HTRA1: variants seen among roughly 807,000 people sequenced by gnomAD.
HTRA1 encodes the protein serine protease HTRA1.
HTRA1 carries 26 observed loss-of-function variants against 49.7 expected under a neutral mutation model. The ratio of observed to expected loss-of-function variants is 0.52; its 90% CI spans 0.38 to 0.73. HTRA1 has a LOEUF of 0.73. HTRA1 is among the 30% of genes least tolerant of loss of function. The pLI is 0.00. For synonymous variants in HTRA1, 291 were observed against 286.9 expected, an observed-to-expected ratio of 1.01 and a Z score of -0.14; for missense variants, 561 against 667.2, an observed-to-expected ratio of 0.84 and a Z score of 1.75.
intron 1 of HTRA1, among the ~76,000 whole-genome samples, chr10:122,470,519 A>G (rs1188093699): frequency 2.0e-5 from 3 of 152,128 alleles, no homozygotes; most frequent in Non-Finnish European, 1.5e-5. Flanking sequence ...GTCCAATGAT[A>G]TAAGGAATAT....
intron 3 of HTRA1, among the ~76,000 whole-genome samples, chr10:122,493,060 C>A (rs1291919692): frequency 2.6e-5 from 4 of 152,206 alleles, no homozygotes; most frequent in Non-Finnish European, 5.9e-5. Context: ...GGCTTGTGAC[C>A]AAATGACTCC....
intron 1 of HTRA1, among the ~76,000 whole-genome samples, chr10:122,468,479 G>A (rs1321450753): frequency 6.6e-6 from 1 of 151,800 alleles, no homozygotes; most frequent in African/African-American, 2.4e-5. Context: ...CTGTGTGGGA[G>A]GAGTGCTGGG....
rs1398730011 is a variant in HTRA1 at position 122,494,647 on chromosome 10, A to AC, written c.777+5028dup. 1.3e-5 allele frequency among the ~76,000 whole-genome samples: 2 copies of AC among 150,744 alleles called. No homozygotes were observed. Among genetic ancestry groups the AC allele is most frequent in the South Asian group, 2.1e-4 (1 of 4,710 alleles). The stretch of plus-strand genomic sequence containing the variant: ...CCTCCCTCCCCTGTAGGCCTGCGCC[A>AC]CCCCCCCAACCCCACGGCCACCTTT... On this transcript the variant is annotated intron_variant, in intron 3 of 8. Coordinates refer to ENST00000368984, the MANE Select transcript of HTRA1 (RefSeq NM_002775.5). This position sits in a 1 kb window ranked among gnomAD's most constrained non-coding sequence, Gnocchi z 4.0.
intron 1 of HTRA1, among the ~76,000 whole-genome samples, chr10:122,486,017 C>G (rs1192821306): frequency 6.6e-6 from 1 of 152,164 alleles, no homozygotes; most frequent in Non-Finnish European, 1.5e-5. Flanking sequence ...TTTACACCTC[C>G]CATTGGAGTG....
chr10:122,495,173 C>A (rs146747257), intron 3 of HTRA1, among the ~76,000 whole-genome samples: 1 of 152,184 alleles, frequency 6.6e-6, no homozygotes, highest in Non-Finnish European at 1.5e-5. Flanking sequence ...ATGAAGGAAG[C>A]GCCTGGGAGC....
chr10:122,491,275 A>T (rs960671598), intron 3 of HTRA1, among the ~76,000 whole-genome samples: 1 of 152,126 alleles, frequency 6.6e-6, no homozygotes, highest in Non-Finnish European at 1.5e-5. Flanking sequence ...GCCCATGGCT[A>T]CTGCTGGAGG....
intron 2 of HTRA1, 93 bp downstream of exon 2, chr10:122,489,094 A>G (rs2097494512): frequency 5.6e-6 from 5 of 891,894 alleles, no homozygotes; most frequent in African/African-American, 4.9e-5. Context: ...TTAAAGTGTC[A>G]AAGTGTCACT....
At chr10:122,482,043 G>C (rs191526480) in intron 1 of HTRA1, among the ~76,000 whole-genome samples, 212 of 152,048 alleles carry the variant, frequency 1.4e-3, no homozygotes, top group African/African-American at 4.8e-3. Context: ...ATTTTTTCAT[G>C]GTCCCCAGTA....
rs375804080 is a variant in HTRA1, at chr10:122,480,310, C to T, written c.473-8592C>T. Among the ~76,000 whole-genome samples the T allele has an allele frequency of 9.9e-5, 15 of 151,508 alleles. No homozygotes were observed. The East Asian group carries it at 1.4e-3, about 14-fold the overall frequency. ...GTTCCTACCCATCCCAGATGCTCTG[C>T]GTTTGTGAACCCCAGTTGCCACATC... On this transcript the variant is annotated intron_variant, in intron 1 of 8. Transcript: ENST00000368984.
chr10:122,488,808 T>C, intron 1 of HTRA1, 94 bp from the exon 2 acceptor site: 1 of 973,076 alleles, frequency 1.0e-6, no homozygotes, highest in Non-Finnish European at 1.7e-6. Context: ...TTCCAAAGGC[T>C]GGGCATGCAT....
chr10:122,514,002 G>A (rs1246218986), intron 8 of HTRA1, among the ~76,000 whole-genome samples, 189 bp from the exon 9 acceptor site: 2 of 151,418 alleles, frequency 1.3e-5, no homozygotes, highest in Admixed American at 6.6e-5. Context: ...GCCTCCCAAA[G>A]TGCTGGGATT....
intron 1 of HTRA1, among the ~76,000 whole-genome samples, chr10:122,481,563 G>A (rs2097491000): frequency 6.6e-6 from 1 of 152,208 alleles, no homozygotes; most frequent in Non-Finnish European, 1.5e-5. Flanking sequence ...ATCCACCTCT[G>A]CTCCTTGTGC....
At chr10:122,474,172 A>G (rs986958149) in intron 1 of HTRA1, among the ~76,000 whole-genome samples, 2 of 152,186 alleles carry the variant, frequency 1.3e-5, no homozygotes, top group African/African-American at 4.8e-5. Context: ...GATTTATTAG[A>G]TCATAGAACT....
At chr10:122,509,845 G>T (rs1374941485) in intron 6 of HTRA1, among the ~76,000 whole-genome samples, 2 of 152,148 alleles carry the variant, frequency 1.3e-5, no homozygotes, top group Non-Finnish European at 2.9e-5. Context: ...GCTTGGGGAA[G>T]GGCCAGCTGT....
intron 1 of HTRA1, among the ~76,000 whole-genome samples, chr10:122,472,529 G>T (rs1031469528): frequency 6.6e-6 from 1 of 151,942 alleles, no homozygotes; most frequent in African/African-American, 2.4e-5. Context: ...CTCAGTAGCT[G>T]GGATTACAGG....
intron 1 of HTRA1, among the ~76,000 whole-genome samples, chr10:122,476,230 G>T (rs530923056): frequency 1.3e-5 from 2 of 152,282 alleles, no homozygotes; most frequent in South Asian, 4.1e-4. Context: ...TGCAGCCTAC[G>T]TGCTGTCTTT....
Position 122,461,554 on chromosome 10 carries a change from C to T in HTRA1, c.-99C>T. ...GGGCTGGGCCGCGCGGCCGCGCGCA[C>T]TCGCACCCGCTGCCCCCGAGGCCCT... On this transcript the variant is annotated 5_prime_UTR_variant, in exon 1 of 9. Transcript: ENST00000368984. 1.5e-6 allele frequency: 1 copy of T among 662,594 alleles called. No individual in the cohort carries two copies. The highest frequency in any genetic ancestry group is 2.1e-5 in the South Asian group (1 of 47,504). The allele number at this position is 662,594 out of a possible 1,614,324, so 41.0% of individuals were successfully genotyped here.
intron 3 of HTRA1, among the ~76,000 whole-genome samples, chr10:122,491,642 C>T (rs375599709): frequency 6.6e-6 from 1 of 152,252 alleles, no homozygotes; most frequent in Admixed American, 6.5e-5. Flanking sequence ...AGACTGTCTC[C>T]TCGTGCCATC....
chr10:122,499,796 T>C (rs2097500184), intron 3 of HTRA1, among the ~76,000 whole-genome samples: 1 of 152,224 alleles, frequency 6.6e-6, no homozygotes, highest in Non-Finnish European at 1.5e-5. Flanking sequence ...CATAACTGTT[T>C]CCAGAAGGCA....
Sources: gnomAD v4.1 joint callset for allele counts (sites outside exome capture counted in the v4.1 genomes callset) on GRCh38, gnomAD v4.1.1 for gene constraint, Gnocchi (gnomAD v3.1) non-coding constraint, MANE v1.5 for transcripts, NCBI Gene and HGNC (gene_info 2026-07-23, HGNC 2026-07-21) for gene names.